RPL37A: variants seen among roughly 807,000 people sequenced by gnomAD.
RPL37A encodes the protein large ribosomal subunit protein eL43.
A neutral mutation model predicts 13.6 loss-of-function variants in RPL37A; 5 were observed. The ratio of observed to expected loss-of-function variants is 0.37; its 90% CI spans 0.19 to 0.78. The LOEUF (loss-of-function observed/expected upper bound fraction) is 0.78, where lower values mean the gene tolerates loss of function less well. RPL37A is among the 30% of genes least tolerant of loss of function. The pLI, the probability that RPL37A is intolerant of heterozygous loss-of-function variation, is 0.49. For missense variants in RPL37A, 77 were observed against 120.0 expected, an observed-to-expected ratio of 0.64 and a Z score of 1.67; for synonymous variants, 50 against 44.4, an observed-to-expected ratio of 1.13 and a Z score of -0.50.
At position 216,501,363 on chromosome 2, in the gene RPL37A, A is replaced by G; in HGVS notation, c.238A>G (p.Lys80Glu). 1.9e-6 allele frequency: 3 copies of G among 1,612,678 alleles called. No homozygotes were observed. The highest frequency in any genetic ancestry group is 2.5e-6 in the Non-Finnish European group (3 of 1,179,618). ...TYNTTSAVTV[K>E]SAIRRLKELK... is the part of the protein sequence containing the mutation. The stretch of plus-strand genomic sequence containing the variant: ...CAGTACCACTTCCGCTGTCACGGTA[A>G]AGTCCGCCATCAGAAGACTGAAGGA... The change falls in exon 4 of 4, where the codon AAG becomes GAG. Residue 80 changes from lysine to glutamate, a missense_variant. This residue lies in a region of RPL37A where 7 missense variants were observed against 18.5 expected (regional missense o/e 0.38). Coordinates refer to ENST00000491306, the MANE Select transcript of RPL37A (RefSeq NM_000998.5).
At chr2:216,501,147 G>A (rs963111659) in intron 3 of RPL37A, 194 bp from the exon 4 acceptor site, 4 of 482,104 alleles carry the variant, frequency 8.3e-6, no homozygotes, top group African/African-American at 5.9e-5. Flanking sequence ...ACTAATTTCC[G>A]AGGAGTAATC....
chr2:216,501,326 A>G lies in RPL37A; in HGVS notation c.216-15A>G, dbSNP rs1695597447. On this transcript the variant is annotated splice_polypyrimidine_tract_variant and intron_variant, in intron 3 of 3. Transcript: ENST00000491306. Reference sequence around the variant, plus strand: ...ACATGCTTAATTATGTTGGAAACTGAATCTTTCTTTCCAGTACCACTTCCG... The same window carrying G: ...ACATGCTTAATTATGTTGGAAACTGGATCTTTCTTTCCAGTACCACTTCCG... 5 of 1,608,798 alleles carry G rather than the reference A, an allele frequency of 3.1e-6. No homozygotes were observed. Among genetic ancestry groups the G allele is most frequent in the Non-Finnish European group, 4.3e-6 (5 of 1,176,226 alleles).
rs1172161027 is a variant in RPL37A at position 216,501,540 on chromosome 2, A to G, written c.*136A>G. 3 of 572,652 alleles carry G rather than the reference A, an allele frequency of 5.2e-6. No individual in the cohort carries two copies. Among genetic ancestry groups the G allele is most frequent in the Middle Eastern group, 4.6e-4 (1 of 2,182 alleles). 35.5% of individuals were successfully genotyped at this position (572,652 alleles called of 1,614,324 possible). A position where few individuals can be genotyped will look rare whatever the true frequency, so the allele number is the denominator to read the frequency against. On this transcript the variant is annotated 3_prime_UTR_variant, in exon 4 of 4. Coordinates refer to ENST00000491306, the MANE Select transcript of RPL37A (RefSeq NM_000998.5). ...GTAAATACTGTTGTATTGGAAAAGC[A>G]TGCCAAGATGGATTATTGTAATTCA...
In RPL37A at chr2:216,501,057, A is replaced by T. The variant is rs966623227; in HGVS notation, c.216-284A>T. On this transcript the variant is annotated intron_variant, in intron 3 of 3. Coordinates refer to ENST00000491306, the MANE Select transcript of RPL37A (RefSeq NM_000998.5). The stretch of plus-strand genomic sequence containing the variant: ...AAAGCAACTCTGGTTGAGAAATCAG[A>T]TGCATGAGATTGTATGTCTAATTCT... 2.4e-5 allele frequency: 6 copies of T among 246,400 alleles called. No homozygotes were observed. In the South Asian group the frequency reaches 5.3e-4, roughly 22 times the overall value. 15.3% of individuals were successfully genotyped at this position (246,400 alleles called of 1,614,324 possible).
At position 216,499,545 on chromosome 2, in the gene RPL37A, T is replaced by C. The variant is rs575484839; in HGVS notation, c.132+147T>C. ...TTGATTATGAGTTTTAAGATAAAAG[T>C]GTTGATGGTAACTTCAGATTTTGTG... On this transcript the variant is annotated intron_variant, in intron 2 of 3. Coordinates refer to ENST00000491306, the MANE Select transcript of RPL37A (RefSeq NM_000998.5). 1.5e-4 allele frequency: 147 copies of C among 987,816 alleles called. No homozygotes were observed. The East Asian group carries it at 3.7e-3, about 25-fold the overall frequency. The allele number at this position is 987,816 out of a possible 1,614,324, so 61.2% of individuals were successfully genotyped here.
At chr2:216,499,619 AATC>A in intron 2 of RPL37A, 5 of 652,342 alleles carry the variant, frequency 7.7e-6, no homozygotes, top group Non-Finnish European at 1.3e-5. Context: ...TGGGTAAAAT[AATC>A]ATTTGACAGA....
rs573499886 is a variant in RPL37A at position 216,501,546 on chromosome 2, A to G, written c.*142A>G. The G allele has an allele frequency of 7.8e-5, 44 of 565,042 alleles. No homozygotes were observed. The East Asian group carries it at 1.3e-3, about 16-fold the overall frequency. 35.0% of individuals were successfully genotyped at this position (565,042 alleles called of 1,614,324 possible). A position where few individuals can be genotyped will look rare whatever the true frequency, so the allele number is the denominator to read the frequency against. ...ACTGTTGTATTGGAAAAGCATGCCAAGATGGATTATTGTAATTCAGTGTCT... is the reference window on the plus strand; with the variant it reads ...ACTGTTGTATTGGAAAAGCATGCCAGGATGGATTATTGTAATTCAGTGTCT... On this transcript the variant is annotated 3_prime_UTR_variant, in exon 4 of 4. Transcript: ENST00000491306.
Position 216,498,844 on chromosome 2 carries a change from C to G in RPL37A, c.-31C>G, listed in dbSNP as rs200229085. 12 of 1,614,002 alleles carry G rather than the reference C, an allele frequency of 7.4e-6. No homozygotes were observed. Among genetic ancestry groups the G allele is most frequent in the East Asian group, 6.7e-5 (3 of 44,896 alleles). On this transcript the variant is annotated 5_prime_UTR_variant, in exon 1 of 4. Coordinates refer to ENST00000491306, the MANE Select transcript of RPL37A (RefSeq NM_000998.5). ...CCGCGCCTGCGCACCGCGTCTCTTC[C>G]TTTCTGGGCTCGGACCTAGGTCGCG...
intron 2 of RPL37A, 134 bp from the exon 3 acceptor site, chr2:216,499,815 C>T (rs764592349): frequency 1.6e-5 from 13 of 796,750 alleles, no homozygotes; most frequent in Non-Finnish European, 2.6e-5. Context: ...TACAGCAATC[C>T]CTGTTTTGTT....
chr2:216,499,898 T>C, intron 2 of RPL37A, 51 bp from the exon 3 acceptor site: 1 of 1,475,838 alleles, frequency 6.8e-7, no homozygotes, highest in Non-Finnish European at 9.5e-7. Flanking sequence ...TGGATGCTTG[T>C]AAGAGAAAAT....
In RPL37A at chr2:216,501,798, A is replaced by G. The variant is rs977694451; in HGVS notation, c.*394A>G. On this transcript the variant is annotated 3_prime_UTR_variant, in exon 4 of 4. Transcript: ENST00000491306. ...AGTATACCAGTCTTGGCCCACTTCAACCTCCACTTCTTAGGTTCAAGCGAT... is the reference window on the plus strand; with the variant it reads ...AGTATACCAGTCTTGGCCCACTTCAGCCTCCACTTCTTAGGTTCAAGCGAT... The G allele has an allele frequency of 1.9e-4, 30 of 156,476 alleles. No homozygotes were observed. Among genetic ancestry groups the G allele is most frequent in the Admixed American group, 1.5e-3 (23 of 15,362 alleles). The allele number at this position is 156,476 out of a possible 1,614,324, so 9.7% of individuals were successfully genotyped here.
chr2:216,501,564 C>T lies in RPL37A; in HGVS notation c.*160C>T, dbSNP rs1351416354. 3 of 524,538 alleles carry T rather than the reference C, an allele frequency of 5.7e-6. No individual in the cohort carries two copies. The African/African-American group carries it at 5.8e-5, about 10-fold the overall frequency. 32.5% of individuals were successfully genotyped at this position (524,538 alleles called of 1,614,324 possible). ...CATGCCAAGATGGATTATTGTAATT[C>T]AGTGTCTTTTTTAGTAGTCAAATGG... On this transcript the variant is annotated 3_prime_UTR_variant, in exon 4 of 4. Transcript: ENST00000491306.
chr2:216,499,488 G>C, intron 2 of RPL37A, 90 bp downstream of exon 2: 1 of 1,469,282 alleles, frequency 6.8e-7, no homozygotes, highest in South Asian at 1.3e-5. Flanking sequence ...TATAAGCCGT[G>C]TGCTGGTGGG....
At chr2:216,499,169 T>C in intron 1 of RPL37A, 101 bp from the exon 2 acceptor site, 1 of 1,392,722 alleles carries the variant, frequency 7.2e-7, no homozygotes, top group Non-Finnish European at 9.8e-7. Context: ...GTAATTCACA[T>C]GTCGGTCACA....
intron 3 of RPL37A, 104 bp from the exon 4 acceptor site, chr2:216,501,237 A>G (rs2106110592): frequency 2.4e-6 from 2 of 845,546 alleles, no homozygotes. Context: ...TTTCTAGGAA[A>G]ATTTGGGAAG....
intron 3 of RPL37A, 195 bp from the exon 4 acceptor site, chr2:216,501,146 C>T (rs966352425): frequency 2.1e-5 from 10 of 481,278 alleles, no homozygotes; most frequent in African/African-American, 5.9e-5. Flanking sequence ...CACTAATTTC[C>T]GAGGAGTAAT....
chr2:216,499,441 G>T, intron 2 of RPL37A, 43 bp downstream of exon 2: 1 of 1,607,024 alleles, frequency 6.2e-7, no homozygotes, highest in Non-Finnish European at 8.5e-7. Context: ...GGGAGGGCAG[G>T]TTTCTTACCC....
chr2:216,501,305 G>T, intron 3 of RPL37A, 36 bp from the exon 4 acceptor site: 1 of 1,573,366 alleles, frequency 6.4e-7, no homozygotes, highest in Non-Finnish European at 8.7e-7. Context: ...ATGTTAACAT[G>T]CTTAATTATG....
intron 2 of RPL37A, 80 bp downstream of exon 2, chr2:216,499,478 T>A: frequency 6.5e-7 from 1 of 1,537,000 alleles, no homozygotes; most frequent in African/African-American, 1.4e-5. Context: ...CAAGGTATTT[T>A]ATAAGCCGTG....
Sources: gnomAD v4.1 joint callset for allele counts on GRCh38, gnomAD v4.1.1 for gene constraint, gnomAD v4.1.1 regional missense constraint, MANE v1.5 for transcripts, NCBI Gene and HGNC (gene_info 2026-07-23, HGNC 2026-07-21) for gene names.